ZMYND8: variants seen among roughly 807,000 people sequenced by gnomAD.
The protein encoded by ZMYND8 is MYND-type zinc finger-containing chromatin reader ZMYND8.
A neutral mutation model predicts 140.8 loss-of-function variants in ZMYND8; 37 were observed. The ratio of observed to expected loss-of-function variants is 0.26; its 90% CI spans 0.20 to 0.35. The LOEUF (loss-of-function observed/expected upper bound fraction) is 0.35, where lower values mean the gene tolerates loss of function less well. Ranked by LOEUF, ZMYND8 falls within the 10% of genes least tolerant of loss-of-function variation. ZMYND8 has a pLI of 1.00. For missense variants in ZMYND8, 1,068 were observed against 1,570.0 expected (o/e 0.68, Z 5.40); for synonymous variants, 592 against 597.1 (o/e 0.99, Z 0.12).
intron 7 of ZMYND8, among the ~76,000 whole-genome samples, chr20:47,287,622 C>T (rs765900782): frequency 3.9e-5 from 6 of 152,210 alleles, no homozygotes; most frequent in South Asian, 2.1e-4. Flanking sequence ...TTGTCCCAGA[C>T]GCCAACCCAA....
In ZMYND8 at chr20:47,210,614, C is replaced by A; in HGVS notation, c.*147G>T. The A allele has an allele frequency of 1.6e-6, 2 of 1,276,796 alleles. No individual in the cohort carries two copies. Among genetic ancestry groups the A allele is most frequent in the Non-Finnish European group, 2.2e-6 (2 of 890,444 alleles). The allele number at this position is 1,276,796 out of a possible 1,614,324, so 79.1% of individuals were successfully genotyped here. On this transcript the variant is annotated 3_prime_UTR_variant, in exon 23 of 23. Transcript: ENST00000471951. ...TGCTGGGTGTCCTGTAGTGTAGCAG[C>A]CCCCGCGCCGGGGGCTCAGGCTCAA... is the stretch of plus-strand genomic sequence containing the variant.
rs199584955 is a variant in ZMYND8 at position 47,224,460 on chromosome 20, G to A, written c.3113C>T (p.Ala1038Val). The stretch of plus-strand genomic sequence containing the variant: ...CTGCTTCTTCTTGGTCTCATCCACC[G>A]CCTGCTGCTTCTCCAACTCCAGCTG... ...KKQLELEKQQ[A>V]VDETKKKQWC... Residue 1038 changes from alanine (A) to valine (V), a missense_variant, in exon 19 of 23, where the codon GCG becomes GTG. Around this residue, in one of 10 missense-constraint regions of ZMYND8, gnomAD observed 87 missense variants for 151.1 expected, o/e 0.58. Transcript: ENST00000471951. 100 of 1,614,192 alleles carry A rather than the reference G, an allele frequency of 6.2e-5. No individual in the cohort carries two copies. Among genetic ancestry groups the A allele is most frequent in the South Asian group, 5.1e-4 (46 of 91,086 alleles).
At chr20:47,312,519 G>A (rs2079014915) in intron 2 of ZMYND8, among the ~76,000 whole-genome samples, 1 of 152,172 alleles carries the variant, frequency 6.6e-6, no homozygotes, top group Non-Finnish European at 1.5e-5. Context: ...GGCCCAGAGA[G>A]CCCAAAGCGC....
intron 4 of ZMYND8, among the ~76,000 whole-genome samples, chr20:47,296,112 G>A (rs188968676): frequency 8.5e-5 from 13 of 152,256 alleles, no homozygotes; most frequent in Non-Finnish European, 1.6e-4. Context: ...CCAGTTGACT[G>A]CCGTAACAAC....
intron 2 of ZMYND8, among the ~76,000 whole-genome samples, chr20:47,328,488 G>A (rs1051012518): frequency 2.0e-5 from 3 of 149,850 alleles, no homozygotes; most frequent in Non-Finnish European, 4.4e-5. Context: ...TTTTTTTTTC[G>A]AGACAGAGTC....
intron 12 of ZMYND8, among the ~76,000 whole-genome samples, chr20:47,252,848 G>A (rs1601291473): frequency 2.0e-5 from 3 of 152,314 alleles, no homozygotes; most frequent in African/African-American, 4.8e-5. Flanking sequence ...GAGCCCAGGA[G>A]GCAGAGGTTG....
chr20:47,302,833 A>G (rs2078167483), intron 3 of ZMYND8, among the ~76,000 whole-genome samples: 1 of 152,218 alleles, frequency 6.6e-6, no homozygotes. Context: ...GGGAAAAAAC[A>G]TCTGAAAAAT....
chr20:47,287,324 A>C (rs377001072), intron 7 of ZMYND8, 40 bp from the exon 8 acceptor site: 6 of 1,524,088 alleles, frequency 3.9e-6, no homozygotes, highest in Non-Finnish European at 5.5e-6. Flanking sequence ...TAATGGAAAT[A>C]CCGCAACACC....
intron 10 of ZMYND8, among the ~76,000 whole-genome samples, chr20:47,277,667 AT>A (rs1467416046): frequency 6.6e-6 from 1 of 150,698 alleles, no homozygotes; most frequent in African/African-American, 2.5e-5. Flanking sequence ...TTATTTATTT[AT>A]TTATTTATTT....
chr20:47,245,340 G>C (rs1024646332), intron 14 of ZMYND8, among the ~76,000 whole-genome samples: 4 of 152,238 alleles, frequency 2.6e-5, no homozygotes, highest in African/African-American at 9.6e-5. Context: ...TCCGCCTCCT[G>C]GGTTCAAGCG....
At chr20:47,353,446 C>A (rs1202235437) in intron 1 of ZMYND8, 2 of 152,140 alleles carry the variant, frequency 1.3e-5, no homozygotes, top group Non-Finnish European at 2.9e-5. Context: ...TCAGGCTCAG[C>A]AATTAGAAAA....
intron 3 of ZMYND8, among the ~76,000 whole-genome samples, chr20:47,305,570 AAAAAAGCAAG>A (rs2078418276): frequency 6.6e-6 from 1 of 151,796 alleles, no homozygotes; most frequent in Non-Finnish European, 1.5e-5. Flanking sequence ...TCAAAAAAAA[AAAAAAGCAAG>A]CAAAAAAAGA....
intron 2 of ZMYND8, among the ~76,000 whole-genome samples, chr20:47,347,516 C>T (rs1451049114): frequency 1.3e-5 from 2 of 152,118 alleles, no homozygotes; most frequent in Non-Finnish European, 2.9e-5. Context: ...AATCAGAAAA[C>T]GAGCAGCAGC....
In ZMYND8 at chr20:47,298,524, T is replaced by C. The variant is rs989785492; in HGVS notation, c.453+205A>G. On this transcript the variant is annotated intron_variant, in intron 4 of 22. Transcript: ENST00000471951. This position sits in a 1 kb window ranked among gnomAD's most constrained non-coding sequence, Gnocchi z 5.0. Reference sequence around the variant, plus strand: ...ACTCATGAGAAATCAGAAATAATATTCCGTGCAATTGTCTTTCCAAGAGCT... The same window carrying C: ...ACTCATGAGAAATCAGAAATAATATCCCGTGCAATTGTCTTTCCAAGAGCT... The C allele has an allele frequency of 4.1e-6, 4 of 985,280 alleles. No individual in the cohort carries two copies. In the African/African-American group the frequency reaches 7.0e-5, roughly 17 times the overall value. The allele number at this position is 985,280 out of a possible 1,614,324, so 61.0% of individuals were successfully genotyped here. A position where few individuals can be genotyped will look rare whatever the true frequency, so the allele number is the denominator to read the frequency against.
intron 7 of ZMYND8, 44 bp from the exon 8 acceptor site, chr20:47,287,328 C>G (rs770601631): frequency 2.0e-6 from 3 of 1,514,734 alleles, no homozygotes; most frequent in Non-Finnish European, 2.8e-6. Context: ...GGAAATACCG[C>G]AACACCGGGC....
At chr20:47,294,533 C>T (rs1388971430) in intron 5 of ZMYND8, 133 bp downstream of exon 5, 1 of 750,360 alleles carries the variant, frequency 1.3e-6, no homozygotes, top group Admixed American at 2.3e-5. Flanking sequence ...GTGTGATTTA[C>T]ACATACTTGA....
chr20:47,260,012 A>T (rs1425376127), intron 12 of ZMYND8, among the ~76,000 whole-genome samples: 1 of 152,078 alleles, frequency 6.6e-6, no homozygotes, highest in Non-Finnish European at 1.5e-5. Context: ...AGCTGCTCAA[A>T]TTTACATAAT....
Position 47,266,865 on chromosome 20 carries a change from T to C in ZMYND8, c.1481-4437A>G, listed in dbSNP as rs181482700. Among the ~76,000 whole-genome samples the C allele has an allele frequency of 4.6e-3, 695 of 152,236 alleles. 5 individuals are homozygous for C. The highest frequency in any genetic ancestry group is 0.016 in the African/African-American group (669 of 41,534). The stretch of plus-strand genomic sequence containing the variant: ...TGTGTATAGACAGTACATAAACAGA[T>C]CTACAATATTTTCAAATTTCATGAA... On this transcript the variant is annotated intron_variant, in intron 11 of 22. Coordinates refer to ENST00000471951, the MANE Select transcript of ZMYND8 (RefSeq NM_001281775.3).
At chr20:47,313,423 C>G (rs925089181) in intron 2 of ZMYND8, among the ~76,000 whole-genome samples, 1 of 150,588 alleles carries the variant, frequency 6.6e-6, no homozygotes, top group African/African-American at 2.5e-5. Flanking sequence ...GAGATCGAGA[C>G]CATCCTGGCT....
Sources: allele counts gnomAD v4.1 joint callset (sites outside exome capture counted in the v4.1 genomes callset), GRCh38; gene constraint gnomAD v4.1.1; regional missense constraint gnomAD v4.1.1; non-coding constraint Gnocchi (gnomAD v3.1); transcripts MANE v1.5; gene names NCBI Gene and HGNC (gene_info 2026-07-23, HGNC 2026-07-21).